The following NECTIN1 variants were observed in gnomAD, a reference collection of about 807,000 sequenced individuals.
NECTIN1 encodes the protein nectin cell adhesion molecule 1.
Under a neutral mutation model 48.0 loss-of-function variants are expected in NECTIN1, and 23 were observed. The observed-to-expected ratio is 0.48, with a 90% confidence interval of 0.34 to 0.68. The LOEUF is 0.68. Among genes scored for constraint, NECTIN1 ranks in the 30% least tolerant of loss-of-function variants. The pLI is 0.01. For synonymous variants in NECTIN1, 270 were observed against 288.9 expected (o/e 0.93, Z 0.66); for missense variants, 591 against 709.9 (o/e 0.83, Z 1.90).
Position 119,664,056 on chromosome 11 carries a change from G to C in NECTIN1, c.*691C>G, listed in dbSNP as rs577414799. On this transcript the variant is annotated 3_prime_UTR_variant, in exon 6 of 6. Transcript: ENST00000264025. The stretch of plus-strand genomic sequence containing the variant: ...CACATTGGGGATAAAGAGGGGACGC[G>C]TCAGAGCTAGGCCAACTCCACTCTC... 288 of 985,608 alleles carry C rather than the reference G, an allele frequency of 2.9e-4. No homozygotes were observed. In the African/African-American group the frequency reaches 4.8e-3, roughly 16 times the overall value. 61.1% of individuals were successfully genotyped at this position (985,608 alleles called of 1,614,324 possible).
chr11:119,638,762 C>T (rs1326818010), exon 7 of NECTIN1: 4 of 1,613,892 alleles, frequency 2.5e-6, no homozygotes, highest in Non-Finnish European at 3.4e-6. Flanking sequence ...GGAGCTTTGC[C>T]TGCTGGGAGA....
intron 5 of NECTIN1, among the ~76,000 whole-genome samples, chr11:119,647,268 T>C (rs1591437776): frequency 2.0e-5 from 3 of 147,312 alleles, no homozygotes; most frequent in South Asian, 4.5e-4. Context: ...CACTTCCCAC[T>C]TCACCTAGGA....
intron 1 of NECTIN1, among the ~76,000 whole-genome samples, chr11:119,681,122 C>T (rs147963484): frequency 0.017 from 2,550 of 152,330 alleles, 36 homozygotes; most frequent in Middle Eastern, 0.034. Flanking sequence ...GGCCAGACGG[C>T]CCAGTACTCT....
In NECTIN1 at chr11:119,661,200, G is replaced by T; in HGVS notation, c.*3547C>A. 4 of 985,846 alleles carry T rather than the reference G, an allele frequency of 4.1e-6. No homozygotes were observed. The highest frequency in any genetic ancestry group is 4.8e-6 in the Non-Finnish European group (4 of 829,926). 61.1% of individuals were successfully genotyped at this position (985,846 alleles called of 1,614,324 possible). On this transcript the variant is annotated 3_prime_UTR_variant, in exon 6 of 6. Coordinates refer to ENST00000264025, the MANE Select transcript of NECTIN1 (RefSeq NM_002855.5). ...GGTAGCGCATCACGCTGGGAGGGGA[G>T]GGTGGCAGCTTCTCCTGGATTCTTT...
At position 119,661,024 on chromosome 11, in the gene NECTIN1, C is replaced by A. The variant is rs923793004; in HGVS notation, c.*3723G>T. ...TAAACACTTTATTTATAAAAAAGTA[C>A]ATTTTTAATCCTCAGTACATTTTCA... On this transcript the variant is annotated 3_prime_UTR_variant, in exon 6 of 6. Transcript: ENST00000264025. 7.2e-5 allele frequency: 71 copies of A among 980,906 alleles called. No individual in the cohort carries two copies. The highest frequency in any genetic ancestry group is 8.4e-5 in the Non-Finnish European group (69 of 825,636). 60.8% of individuals were successfully genotyped at this position (980,906 alleles called of 1,614,324 possible).
At chr11:119,671,880 C>T (rs575535494) in intron 5 of NECTIN1, among the ~76,000 whole-genome samples, 1 of 152,360 alleles carries the variant, frequency 6.6e-6, no homozygotes, top group South Asian at 2.1e-4. Context: ...CATTCGCTGG[C>T]TCAGAGAATG....
chr11:119,667,985 G>T (rs574759662), intron 5 of NECTIN1, among the ~76,000 whole-genome samples: 2 of 152,108 alleles, frequency 1.3e-5, no homozygotes, highest in Non-Finnish European at 2.9e-5. Flanking sequence ...TTACCTTCTC[G>T]TGCACACTGT....
chr11:119,719,991 G>A (rs561709026), intron 1 of NECTIN1, among the ~76,000 whole-genome samples: 5 of 152,336 alleles, frequency 3.3e-5, no homozygotes, highest in Non-Finnish European at 4.4e-5. Flanking sequence ...GCAAAGGCAC[G>A]GAGGCAGGAA....
At position 119,663,335 on chromosome 11, in the gene NECTIN1, C is replaced by T. The variant is rs944972768; in HGVS notation, c.*1412G>A. On this transcript the variant is annotated 3_prime_UTR_variant, in exon 6 of 6. Transcript: ENST00000264025. ...GGGAGGGGTCTTCCTCCATTATATA[C>T]ATGGGAAGACCCAGTCTGGGGTGGC... 8 of 985,336 alleles carry T rather than the reference C, an allele frequency of 8.1e-6. No individual in the cohort carries two copies. Among genetic ancestry groups the T allele is most frequent in the East Asian group, 1.1e-4 (1 of 8,820 alleles). 61.0% of individuals were successfully genotyped at this position (985,336 alleles called of 1,614,324 possible). A position where few individuals can be genotyped will look rare whatever the true frequency, so the allele number is the denominator to read the frequency against.
intron 6 of NECTIN1, chr11:119,638,815 A>G (rs374658682): frequency 2.5e-6 from 4 of 1,612,444 alleles, no homozygotes; most frequent in Admixed American, 1.7e-5. Flanking sequence ...TCCTGGAGAC[A>G]GAATGAGGGT....
chr11:119,685,199 G>A (rs1865135488), intron 1 of NECTIN1, among the ~76,000 whole-genome samples: 1 of 152,206 alleles, frequency 6.6e-6, no homozygotes, highest in Non-Finnish European at 1.5e-5. Flanking sequence ...ACAGTCAGGG[G>A]CTAATTGCTA....
chr11:119,663,588 C>T lies in NECTIN1; in HGVS notation c.*1159G>A, dbSNP rs1864706692. On this transcript the variant is annotated 3_prime_UTR_variant, in exon 6 of 6. Coordinates refer to ENST00000264025, the MANE Select transcript of NECTIN1 (RefSeq NM_002855.5). ...CCCTCGGACTGTGTTTGCAGAGCTTCTGCCATGTGGGCTTCCTTCCCCACT... is the reference window on the plus strand; with the variant it reads ...CCCTCGGACTGTGTTTGCAGAGCTTTTGCCATGTGGGCTTCCTTCCCCACT... 1.0e-6 allele frequency: 1 copy of T among 985,530 alleles called. No individual in the cohort carries two copies. Among genetic ancestry groups the T allele is most frequent in the South Asian group, 4.7e-5 (1 of 21,296 alleles). 61.0% of individuals were successfully genotyped at this position (985,530 alleles called of 1,614,324 possible).
At chr11:119,726,875 C>T (rs1865915953) in intron 1 of NECTIN1, among the ~76,000 whole-genome samples, 1 of 152,128 alleles carries the variant, frequency 6.6e-6, no homozygotes, top group African/African-American at 2.4e-5. Context: ...TCCCCATGGC[C>T]AGGCAAGTCC....
chr11:119,728,375 C>A, intron 1 of NECTIN1, 100 bp downstream of exon 1: 2 of 1,207,984 alleles, frequency 1.7e-6, no homozygotes, highest in South Asian at 1.4e-5. Context: ...ACTTTTCTGG[C>A]TCCTTTCACT....
intron 1 of NECTIN1, among the ~76,000 whole-genome samples, chr11:119,722,807 A>G (rs542166197): frequency 2.0e-5 from 3 of 152,378 alleles, no homozygotes; most frequent in East Asian, 3.9e-4. Context: ...CAGAGGGGCC[A>G]GGACCATTGA....
At chr11:119,638,186 G>C (rs1864266150) in exon 8 of NECTIN1, 3 of 1,613,956 alleles carry the variant, frequency 1.9e-6, no homozygotes, top group Non-Finnish European at 2.5e-6. Context: ...GGGCTGCAGG[G>C]ACAGCTTCTG....
At chr11:119,705,833 G>A (rs549880835) in intron 1 of NECTIN1, among the ~76,000 whole-genome samples, 6 of 152,272 alleles carry the variant, frequency 3.9e-5, no homozygotes, top group African/African-American at 1.2e-4. Context: ...GGCCAGAGGC[G>A]GGGCAGGGGC....
At chr11:119,721,028 C>T (rs1865819997) in intron 1 of NECTIN1, among the ~76,000 whole-genome samples, 1 of 152,190 alleles carries the variant, frequency 6.6e-6, no homozygotes, top group African/African-American at 2.4e-5. Context: ...GACAGAAAGA[C>T]AGGCCAAGAT....
chr11:119,686,901 A>G (rs1865167822), intron 1 of NECTIN1, among the ~76,000 whole-genome samples: 1 of 152,148 alleles, frequency 6.6e-6, no homozygotes, highest in South Asian at 2.1e-4. Flanking sequence ...GAATGAACCC[A>G]GTGCCTGGCA....
Sources: allele counts gnomAD v4.1 joint callset (sites outside exome capture counted in the v4.1 genomes callset), GRCh38; gene constraint gnomAD v4.1.1; transcripts MANE v1.5; gene names NCBI Gene and HGNC (gene_info 2026-07-23, HGNC 2026-07-21).